Variants in AIG1 observed in about 807,000 individuals in gnomAD.
AIG1 encodes androgen-induced gene 1 protein.
In AIG1, 23 loss-of-function variants were observed where a neutral mutation model predicts 31.4. That is an observed-to-expected ratio of 0.73 (90% CI 0.53 to 1.04). The LOEUF (loss-of-function observed/expected upper bound fraction) is 1.04, where lower values mean the gene tolerates loss of function less well. Ranked by LOEUF, AIG1 falls within the 50% of genes least tolerant of loss-of-function variation. The probability of loss-of-function intolerance (pLI) is 0.00; values close to 1 mark genes in which losing one functional copy is unlikely to be tolerated. For missense variants in AIG1, 274 were observed against 295.0 expected, an observed-to-expected ratio of 0.93 and a Z score of 0.52; for synonymous variants, 100 against 110.5, an observed-to-expected ratio of 0.90 and a Z score of 0.60.
intron 2 of AIG1, 30 bp downstream of exon 2, chr6:143,137,020 CA>C: frequency 7.5e-7 from 1 of 1,333,900 alleles, no homozygotes; most frequent in Non-Finnish European, 9.7e-7. Flanking sequence ...CATTTAGCCA[CA>C]AAAGAAACTT....
chr6:143,233,593 A>AG (rs1429715340), intron 3 of AIG1, among the ~76,000 whole-genome samples: 19 of 145,658 alleles, frequency 1.3e-4, no homozygotes, highest in South Asian at 4.4e-4. Flanking sequence ...AAAAAAAAAG[A>AG]AAAGAAAAGA....
intron 4 of AIG1, among the ~76,000 whole-genome samples, chr6:143,322,185 G>A (rs561808372): frequency 1.1e-4 from 17 of 152,158 alleles, no homozygotes; most frequent in African/African-American, 1.9e-4. Flanking sequence ...AGGAGGTAGC[G>A]AGATCAAGGA....
At chr6:143,189,301 G>C (rs948641820) in intron 3 of AIG1, 1 of 676,218 alleles carries the variant, frequency 1.5e-6, no homozygotes, top group African/African-American at 1.9e-5. Flanking sequence ...GGCTGGTCTC[G>C]AACTCCTGGC....
At chr6:143,200,793 C>A (rs1790635827) in intron 3 of AIG1, among the ~76,000 whole-genome samples, 1 of 152,120 alleles carries the variant, frequency 6.6e-6, no homozygotes, top group Admixed American at 6.6e-5. Context: ...TGTGTTGCCT[C>A]AGGACCATTG....
chr6:143,241,781 T>C (rs1197949581), intron 3 of AIG1, among the ~76,000 whole-genome samples: 2 of 152,156 alleles, frequency 1.3e-5, no homozygotes, highest in Non-Finnish European at 2.9e-5. Flanking sequence ...AACCCAAAAC[T>C]TTTTGAGAAC....
At chr6:143,220,401 G>GA (rs1466671213) in intron 3 of AIG1, among the ~76,000 whole-genome samples, 1 of 152,130 alleles carries the variant, frequency 6.6e-6, no homozygotes, top group Non-Finnish European at 1.5e-5. Context: ...CCAGCATCCA[G>GA]AAAAGTGCCT....
chr6:143,278,376 A>C (rs897429056), intron 3 of AIG1, among the ~76,000 whole-genome samples: 1 of 152,182 alleles, frequency 6.6e-6, no homozygotes, highest in South Asian at 2.1e-4. Context: ...TGCATAGTGA[A>C]AAGTTTATTC....
intron 3 of AIG1, among the ~76,000 whole-genome samples, chr6:143,182,391 T>C (rs141248215): frequency 9.3e-4 from 142 of 152,286 alleles, no homozygotes; most frequent in African/African-American, 3.2e-3. Flanking sequence ...TCAATAATCA[T>C]TTGATGAATC....
chr6:143,340,362 T>G lies in AIG1; in HGVS notation c.*686T>G, dbSNP rs2128728300. ...AACAGCATTAGTATCTCCTTTTCAT[T>G]TTTATTACCTGTTGAAAATGGGTTT... On this transcript the variant is annotated 3_prime_UTR_variant, in exon 6 of 6. Coordinates refer to ENST00000357847, the MANE Select transcript of AIG1 (RefSeq NM_016108.4). 1 of 152,342 alleles carries G rather than the reference T, an allele frequency of 6.6e-6. No individual in the cohort carries two copies. Among genetic ancestry groups the G allele is most frequent in the South Asian group, 2.1e-4 (1 of 4,830 alleles). 9.4% of individuals were successfully genotyped at this position (152,342 alleles called of 1,614,324 possible). A position where few individuals can be genotyped will look rare whatever the true frequency, so the allele number is the denominator to read the frequency against.
chr6:143,163,314 G>A (rs1786592794), intron 2 of AIG1, among the ~76,000 whole-genome samples: 1 of 152,202 alleles, frequency 6.6e-6, no homozygotes, highest in Non-Finnish European at 1.5e-5. Context: ...ATCTTTAGGT[G>A]TGATAAGTCA....
intron 1 of AIG1, among the ~76,000 whole-genome samples, chr6:143,109,585 G>A (rs1781095147): frequency 6.6e-6 from 1 of 151,980 alleles, no homozygotes; most frequent in Non-Finnish European, 1.5e-5. Context: ...TATTGGCTAT[G>A]CAGTAATCTT....
chr6:143,264,917 CTG>C (rs1796048863), intron 3 of AIG1, among the ~76,000 whole-genome samples: 1 of 152,174 alleles, frequency 6.6e-6, no homozygotes, highest in Non-Finnish European at 1.5e-5. Context: ...AGGCTGTGTA[CTG>C]ACATTTGCAG....
intron 3 of AIG1, among the ~76,000 whole-genome samples, chr6:143,260,768 C>T (rs924530695): frequency 2.4e-4 from 37 of 152,166 alleles, no homozygotes; most frequent in African/African-American, 8.0e-4. Context: ...TCCCCAAGGT[C>T]ACAAAGCTAG....
rs79993376 is a variant in AIG1 at position 143,326,004 on chromosome 6, C to A, written c.516-7278C>A. Among the ~76,000 whole-genome samples the A allele has an allele frequency of 7.6e-3, 1,165 of 152,304 alleles. 36 individuals are homozygous for A. The highest frequency in any genetic ancestry group is 0.048 in the Admixed American group (727 of 15,288). Reference sequence around the variant, plus strand: ...AAGATTTAACAACCAGCTCTCATGACAATCTCCAGCACGCCACACTCATGA... The same window carrying A: ...AAGATTTAACAACCAGCTCTCATGAAAATCTCCAGCACGCCACACTCATGA... On this transcript the variant is annotated intron_variant, in intron 4 of 5. Transcript: ENST00000357847. The surrounding 1 kb of genome is among the most constrained non-coding windows in gnomAD (Gnocchi z 4.5).
At chr6:143,193,527 C>A (rs1372986911) in intron 3 of AIG1, among the ~76,000 whole-genome samples, 1 of 152,192 alleles carries the variant, frequency 6.6e-6, no homozygotes, top group Non-Finnish European at 1.5e-5. Context: ...CAGGGCCTTG[C>A]ACTTAGAAGT....
At position 143,340,921 on chromosome 6, in the gene AIG1, A is replaced by T. The variant is rs1219900935; in HGVS notation, c.*1245A>T. Among the ~76,000 whole-genome samples, 1 of 152,056 alleles carries T rather than the reference A, an allele frequency of 6.6e-6. No homozygotes were observed. The highest frequency in any genetic ancestry group is 1.5e-5 in the Non-Finnish European group (1 of 68,034). On this transcript the variant is annotated 3_prime_UTR_variant, in exon 6 of 6. Transcript: ENST00000357847. The stretch of plus-strand genomic sequence containing the variant: ...ATCAACAAATGATATAAAACCATTC[A>T]CTCCAAAATTATAATTACATTTTAA...
At chr6:143,272,226 T>A (rs1170029470) in intron 3 of AIG1, among the ~76,000 whole-genome samples, 1 of 152,204 alleles carries the variant, frequency 6.6e-6, no homozygotes, top group Non-Finnish European at 1.5e-5. Flanking sequence ...GAGACAGAGC[T>A]GACCTTATGG....
intron 3 of AIG1, among the ~76,000 whole-genome samples, chr6:143,254,694 G>T (rs777981280): frequency 7.2e-5 from 11 of 152,104 alleles, no homozygotes; most frequent in Admixed American, 1.3e-4. Flanking sequence ...TACTAGAGTT[G>T]TGATGCTTTG....
At chr6:143,171,794 C>T (rs1159125217) in intron 3 of AIG1, among the ~76,000 whole-genome samples, 2 of 151,826 alleles carry the variant, frequency 1.3e-5, no homozygotes, top group African/African-American at 4.8e-5. Flanking sequence ...TACATTACCA[C>T]CAACAGTGTA....
Sources: allele counts gnomAD v4.1 joint callset (sites outside exome capture counted in the v4.1 genomes callset), GRCh38; gene constraint gnomAD v4.1.1; non-coding constraint Gnocchi (gnomAD v3.1); transcripts MANE v1.5; gene names NCBI Gene and HGNC (gene_info 2026-07-23, HGNC 2026-07-21).